The following CTNND2 variants were observed in gnomAD, a reference collection of about 807,000 sequenced individuals.
The protein encoded by CTNND2 is catenin delta-2.
CTNND2 carries 22 observed loss-of-function variants against 144.4 expected under a neutral mutation model. The ratio of observed to expected loss-of-function variants is 0.15; its 90% confidence interval spans 0.11 to 0.22. CTNND2 has a LOEUF of 0.22. Among genes scored for constraint, CTNND2 ranks in the 10% least tolerant of loss-of-function variants. The pLI is 1.00. For synonymous variants in CTNND2, 751 were observed against 695.6 expected, an observed-to-expected ratio of 1.08 and a Z score of -1.25; for missense variants, 1,353 against 1,618.8, an observed-to-expected ratio of 0.84 and a Z score of 2.82.
At chr5:11,429,161 G>A (rs772995631) in intron 3 of CTNND2, among the ~76,000 whole-genome samples, 3 of 152,092 alleles carry the variant, frequency 2.0e-5, no homozygotes, top group Admixed American at 6.5e-5. Flanking sequence ...CACTGCATGT[G>A]ACAGCACTTC....
intron 18 of CTNND2, among the ~76,000 whole-genome samples, chr5:11,004,802 A>G (rs1163982312): frequency 6.6e-6 from 1 of 151,710 alleles, no homozygotes. Flanking sequence ...AAAAATGCTA[A>G]TGACAATGTG....
chr5:11,790,581 T>C (rs78911467), intron 1 of CTNND2, among the ~76,000 whole-genome samples: 1,680 of 152,314 alleles, frequency 0.011, 21 homozygotes, highest in Middle Eastern at 0.024. Context: ...CGTAATGATG[T>C]GCTGATTTTT....
At chr5:11,258,402 A>G (rs571793925) in intron 9 of CTNND2, among the ~76,000 whole-genome samples, 1 of 152,292 alleles carries the variant, frequency 6.6e-6, no homozygotes, top group South Asian at 2.1e-4. Flanking sequence ...TCACTCATCA[A>G]CATTGCTATT....
At chr5:11,487,888 C>T (rs1417766930) in intron 3 of CTNND2, among the ~76,000 whole-genome samples, 1 of 151,842 alleles carries the variant, frequency 6.6e-6, no homozygotes, top group Non-Finnish European at 1.5e-5. Flanking sequence ...TTTTTTTGGT[C>T]CCAGAGATCT....
At position 11,191,955 on chromosome 5, in the gene CTNND2, CA is replaced by C. The variant is rs2149815666; in HGVS notation, c.1975+7492del. Among the ~76,000 whole-genome samples the C allele has an allele frequency of 1.3e-5, 2 of 152,328 alleles. 1 individual carries two copies. The highest frequency in any genetic ancestry group is 4.1e-4 in the South Asian group (2 of 4,822). On this transcript the variant is annotated intron_variant, in intron 11 of 21. Coordinates refer to ENST00000304623, the MANE Select transcript of CTNND2 (RefSeq NM_001332.4). ...TCAACTGCAGGCCCATCACCAGACA[CA>C]GCGGCAAAGCCTTCCACAGGCGTTT...
intron 2 of CTNND2, among the ~76,000 whole-genome samples, chr5:11,588,200 T>A (rs1174160476): frequency 6.6e-6 from 1 of 152,100 alleles, no homozygotes; most frequent in Non-Finnish European, 1.5e-5. Flanking sequence ...AGCTGCCCAG[T>A]ATATTAAATT....
chr5:11,088,302 C>T (rs1750394973), intron 15 of CTNND2, among the ~76,000 whole-genome samples: 1 of 152,058 alleles, frequency 6.6e-6, no homozygotes, highest in Non-Finnish European at 1.5e-5. Flanking sequence ...GGAAACTGAC[C>T]ACAGTGGAGG....
chr5:10,973,793 C>T lies in CTNND2; in HGVS notation c.3418-80G>A, dbSNP rs1338039624. ...GCCTCTTGCCCCGGCACCCAACTCT[C>T]CTTCAAAGAATAGGCTGTGTATATC... is the stretch of plus-strand genomic sequence containing the variant. On this transcript the variant is annotated intron_variant, in intron 21 of 21. Coordinates refer to ENST00000304623, the MANE Select transcript of CTNND2 (RefSeq NM_001332.4). This position sits in a 1 kb window ranked among gnomAD's most constrained non-coding sequence, Gnocchi z 5.6. 3 of 1,466,166 alleles carry T rather than the reference C, an allele frequency of 2.0e-6. No homozygotes were observed. The highest frequency in any genetic ancestry group is 1.8e-6 in the Non-Finnish European group (2 of 1,097,168). The allele number at this position is 1,466,166 out of a possible 1,614,324, so 90.8% of individuals were successfully genotyped here. A position where few individuals can be genotyped will look rare whatever the true frequency, so the allele number is the denominator to read the frequency against.
At chr5:11,342,795 C>G (rs1046528242) in intron 9 of CTNND2, among the ~76,000 whole-genome samples, 1 of 152,242 alleles carries the variant, frequency 6.6e-6, no homozygotes, top group South Asian at 2.1e-4. Context: ...TGACTTATCA[C>G]TACCAACATG....
intron 1 of CTNND2, among the ~76,000 whole-genome samples, chr5:11,866,653 T>C (rs1354018627): frequency 6.6e-6 from 1 of 152,258 alleles, no homozygotes; most frequent in African/African-American, 2.4e-5. Flanking sequence ...CTAAATGTTT[T>C]TCGTGGATCT....
chr5:11,668,217 T>C (rs1299996659), intron 2 of CTNND2, among the ~76,000 whole-genome samples: 2 of 152,240 alleles, frequency 1.3e-5, no homozygotes, highest in African/African-American at 2.4e-5. Context: ...AGCTTTGTTC[T>C]TTTTGCTTAG....
intron 15 of CTNND2, among the ~76,000 whole-genome samples, chr5:11,086,946 C>T (rs1355477029): frequency 6.6e-6 from 1 of 152,148 alleles, no homozygotes; most frequent in East Asian, 1.9e-4. Context: ...CCTTTAAGTA[C>T]TAAATATTCT....
intron 9 of CTNND2, among the ~76,000 whole-genome samples, chr5:11,300,993 T>G (rs1476018056): frequency 6.6e-6 from 1 of 152,148 alleles, no homozygotes; most frequent in Non-Finnish European, 1.5e-5. Context: ...TATCTCAGTG[T>G]GTGGTCTCCC....
chr5:11,888,850 C>A (rs1363754117), intron 1 of CTNND2, among the ~76,000 whole-genome samples: 1 of 151,380 alleles, frequency 6.6e-6, no homozygotes, highest in East Asian at 1.9e-4. Flanking sequence ...AGTCCCAGTT[C>A]AAGCAATTCT....
At chr5:11,084,696 C>T (rs969888) in intron 15 of CTNND2, among the ~76,000 whole-genome samples, 2,087 of 152,154 alleles carry the variant, frequency 0.014, 46 homozygotes, top group African/African-American at 0.048. Flanking sequence ...ATCTCTTCCA[C>T]CATACCACTT....
intron 10 of CTNND2, among the ~76,000 whole-genome samples, chr5:11,226,556 C>G (rs1740381516): frequency 2.0e-5 from 3 of 152,186 alleles, no homozygotes; most frequent in Admixed American, 6.5e-5. Context: ...GAAGAAAGAG[C>G]AAAGGGACAT....
chr5:11,541,114 G>GC (rs1561533097), intron 3 of CTNND2, among the ~76,000 whole-genome samples: 2 of 152,144 alleles, frequency 1.3e-5, no homozygotes, highest in Non-Finnish European at 2.9e-5. Context: ...AGAATATGGA[G>GC]CCAGGCACTG....
At chr5:11,645,242 C>T (rs778917752) in intron 2 of CTNND2, among the ~76,000 whole-genome samples, 38 of 152,070 alleles carry the variant, frequency 2.5e-4, no homozygotes, top group Non-Finnish European at 4.0e-4. Flanking sequence ...ATTGGGATTA[C>T]AGGCATGAGC....
At position 11,262,761 on chromosome 5, in the gene CTNND2, CAAAAAA is replaced by C. The variant is rs11289676; in HGVS notation, c.1629-25944_1629-25939del. ...TGGGTGACAGAGTAAGACTCTGTCT[CAAAAAA>C]AAAAAAAAAAAAAAAAAAAAAGAAA... On this transcript the variant is annotated intron_variant, in intron 9 of 21. Coordinates refer to ENST00000304623, the MANE Select transcript of CTNND2 (RefSeq NM_001332.4). Among the ~76,000 whole-genome samples, 14 of 45,692 alleles carry C rather than the reference CAAAAAA, an allele frequency of 3.1e-4. No individual in the cohort carries two copies. The Middle Eastern group carries it at 0.083, about 272-fold the overall frequency. The allele number at this position is 45,692 out of a possible 152,430, so 30.0% of individuals were successfully genotyped here. A position where few individuals can be genotyped will look rare whatever the true frequency, so the allele number is the denominator to read the frequency against.
Sources: gnomAD v4.1 joint callset for allele counts (sites outside exome capture counted in the v4.1 genomes callset) on GRCh38, gnomAD v4.1.1 for gene constraint, Gnocchi (gnomAD v3.1) non-coding constraint, MANE v1.5 for transcripts, NCBI Gene and HGNC (gene_info 2026-07-23, HGNC 2026-07-21) for gene names.